GLI2: variants seen among roughly 807,000 people sequenced by gnomAD.
GLI2 encodes the protein GLI family zinc finger 2.
A neutral mutation model predicts 78.9 loss-of-function variants in GLI2; 22 were observed. The ratio of observed to expected loss-of-function variants is 0.28; its 90% CI spans 0.20 to 0.40. GLI2 has a LOEUF of 0.40. Ranked by LOEUF, GLI2 falls within the 10% of genes least tolerant of loss-of-function variation. The pLI, the probability that GLI2 is intolerant of heterozygous loss-of-function variation, is 1.00. For missense variants in GLI2, 2,097 were observed against 2,213.2 expected, an observed-to-expected ratio of 0.95 and a Z score of 1.05; for synonymous variants, 974 against 963.7, an observed-to-expected ratio of 1.01 and a Z score of -0.20.
intron 1 of GLI2, among the ~76,000 whole-genome samples, chr2:120,775,868 G>A (rs1475119871): frequency 6.6e-6 from 1 of 152,212 alleles, no homozygotes; most frequent in African/African-American, 2.4e-5. Context: ...CAGGGGATGG[G>A]CAGGAGGCAT....
At chr2:120,983,335 G>C (rs1682805254) in intron 11 of GLI2, among the ~76,000 whole-genome samples, 2 of 152,160 alleles carry the variant, frequency 1.3e-5, no homozygotes, top group South Asian at 4.1e-4. Context: ...CAGAGATGAA[G>C]TGACTTTCCC....
chr2:120,815,358 G>A (rs527687618), intron 2 of GLI2, among the ~76,000 whole-genome samples: 2 of 152,286 alleles, frequency 1.3e-5, no homozygotes, highest in African/African-American at 4.8e-5. Context: ...AACAGGAGCT[G>A]CAAATCACCT....
intron 1 of GLI2, among the ~76,000 whole-genome samples, chr2:120,742,176 C>T (rs1682568553): frequency 1.3e-5 from 2 of 152,224 alleles, no homozygotes; most frequent in Non-Finnish European, 2.9e-5. Flanking sequence ...ACAGTAATCA[C>T]TAAGGCCGCC....
At chr2:120,793,003 A>T (rs1421150150) in intron 1 of GLI2, among the ~76,000 whole-genome samples, 1 of 152,238 alleles carries the variant, frequency 6.6e-6, no homozygotes, top group Non-Finnish European at 1.5e-5. Context: ...TGTATCAGAA[A>T]GACTTGTGCA....
intron 2 of GLI2, among the ~76,000 whole-genome samples, chr2:120,826,099 AC>A (rs773778702): frequency 7.3e-4 from 111 of 151,814 alleles, no homozygotes; most frequent in Non-Finnish European, 1.0e-3. Context: ...CTGTCCAGAG[AC>A]AGCTGCGAGG....
At chr2:120,938,914 C>G (rs1448143438) in intron 3 of GLI2, among the ~76,000 whole-genome samples, 1 of 151,220 alleles carries the variant, frequency 6.6e-6, no homozygotes, top group Admixed American at 6.6e-5. Context: ...CCAACTTAAA[C>G]CAGAGACTAC....
chr2:120,769,294 T>C (rs1307911101), intron 1 of GLI2, among the ~76,000 whole-genome samples: 1 of 152,098 alleles, frequency 6.6e-6, no homozygotes, highest in African/African-American at 2.4e-5. Context: ...GCCCCTAACT[T>C]TTTGGTGAGC....
At chr2:120,893,277 C>A (rs530997916) in intron 2 of GLI2, among the ~76,000 whole-genome samples, 1 of 152,308 alleles carries the variant, frequency 6.6e-6, no homozygotes, top group South Asian at 2.1e-4. Flanking sequence ...AATAACCAAG[C>A]CCAGCCCCTG....
At chr2:120,922,304 G>A (rs1679417537) in intron 2 of GLI2, among the ~76,000 whole-genome samples, 1 of 152,166 alleles carries the variant, frequency 6.6e-6, no homozygotes, top group Admixed American at 6.5e-5. Context: ...GAAGGGTCTG[G>A]GCAGGTCCCT....
At chr2:120,962,071 G>A (rs1681594281) in intron 5 of GLI2, among the ~76,000 whole-genome samples, 1 of 152,188 alleles carries the variant, frequency 6.6e-6, no homozygotes, top group African/African-American at 2.4e-5. Flanking sequence ...CACAGGTATA[G>A]ATGATATGTT....
intron 10 of GLI2, among the ~76,000 whole-genome samples, chr2:120,980,177 G>C (rs1038775793): frequency 2.0e-5 from 3 of 152,212 alleles, no homozygotes; most frequent in Non-Finnish European, 2.9e-5. Context: ...AGTGGAATTG[G>C]TGAGTCGTAT....
At chr2:120,807,789 GC>G in intron 2 of GLI2, among the ~76,000 whole-genome samples, 1 of 152,268 alleles carries the variant, frequency 6.6e-6, no homozygotes, top group African/African-American at 2.4e-5. Flanking sequence ...TCTGCTCACA[GC>G]CACACGTGGA....
At chr2:120,918,236 A>G (rs747358665) in intron 2 of GLI2, among the ~76,000 whole-genome samples, 1 of 152,146 alleles carries the variant, frequency 6.6e-6, no homozygotes, top group East Asian at 1.9e-4. Flanking sequence ...CCTAGATCAG[A>G]CCTGGATGGC....
intron 9 of GLI2, among the ~76,000 whole-genome samples, chr2:120,975,429 A>G (rs534913980): frequency 2.1e-5 from 3 of 141,926 alleles, no homozygotes; most frequent in Non-Finnish European, 3.1e-5. Flanking sequence ...GCTATATTCT[A>G]TATACACATT....
intron 2 of GLI2, among the ~76,000 whole-genome samples, chr2:120,896,721 ACACACACACACAC>A (rs1677984298): frequency 6.8e-6 from 1 of 147,922 alleles, no homozygotes; most frequent in Non-Finnish European, 1.5e-5. Context: ...ACACACACAC[ACACACACACACAC>A]ACAGCCTTCT....
chr2:120,754,290 G>A (rs1388865893), intron 1 of GLI2, among the ~76,000 whole-genome samples: 2 of 152,162 alleles, frequency 1.3e-5, no homozygotes, highest in African/African-American at 4.8e-5. Flanking sequence ...ATAGTTGGAA[G>A]AGAAACTATG....
chr2:120,834,365 T>C (rs1320871659), intron 2 of GLI2, among the ~76,000 whole-genome samples: 1 of 152,198 alleles, frequency 6.6e-6, no homozygotes, highest in East Asian at 1.9e-4. Context: ...GTTTGAATGA[T>C]TCTAGCAGTC....
intron 3 of GLI2, among the ~76,000 whole-genome samples, chr2:120,929,025 T>A (rs1177999423): frequency 6.6e-6 from 1 of 152,244 alleles, no homozygotes; most frequent in Non-Finnish European, 1.5e-5. Flanking sequence ...ATCTCCTGTC[T>A]GGGACGGTTC....
At chr2:120,848,540 A>C (rs541165514) in intron 2 of GLI2, among the ~76,000 whole-genome samples, 1 of 152,278 alleles carries the variant, frequency 6.6e-6, no homozygotes, top group South Asian at 2.1e-4. Flanking sequence ...TTCATTGTTC[A>C]TCCTATTCTT....
Sources: allele counts gnomAD v4.1 joint callset (sites outside exome capture counted in the v4.1 genomes callset), GRCh38; gene constraint gnomAD v4.1.1; transcripts MANE v1.5; gene names NCBI Gene and HGNC (gene_info 2026-07-23, HGNC 2026-07-21).